Variants in SNX3 observed in about 807,000 individuals in gnomAD.
SNX3 encodes the protein sorting nexin-3.
In SNX3, 5 loss-of-function variants were observed where a neutral mutation model predicts 17.7. The ratio of observed to expected loss-of-function variants is 0.28; its 90% CI spans 0.15 to 0.59. SNX3 has a LOEUF of 0.59. Ranked by LOEUF, SNX3 falls within the 20% of genes least tolerant of loss-of-function variation. SNX3 has a pLI of 0.88. For synonymous variants in SNX3, 91 were observed against 76.5 expected (o/e 1.19, Z -0.99); for missense variants, 132 against 206.8 (o/e 0.64, Z 2.22).
chr6:108,259,780 G>A (rs1442302710), intron 1 of SNX3, among the ~76,000 whole-genome samples: 2 of 152,108 alleles, frequency 1.3e-5, no homozygotes, highest in Admixed American at 6.6e-5. Context: ...AAGTTAATGA[G>A]AATTTTTTCA....
Position 108,260,555 on chromosome 6 carries a change from G to A in SNX3, c.162+205C>T, listed in dbSNP as rs545334085. ...CCTCCTCTTCGAGCACCTTCTCCAA[G>A]TGCCAGCGCGCCGGGCTCGCTCTGC... On this transcript the variant is annotated intron_variant, in intron 1 of 3. Transcript: ENST00000230085. 7.0e-3 allele frequency among the ~76,000 whole-genome samples: 1,072 copies of A among 152,280 alleles called. 16 individuals carry two copies. Among genetic ancestry groups the A allele is most frequent in the South Asian group, 0.045 (216 of 4,820 alleles).
chr6:108,226,336 A>C (rs2114721960), intron 1 of SNX3, among the ~76,000 whole-genome samples: 1 of 152,308 alleles, frequency 6.6e-6, no homozygotes, highest in Admixed American at 6.5e-5. Flanking sequence ...GGACTCCCAA[A>C]GTGCTGGGAT....
chr6:108,258,450 T>C (rs1776093963), intron 1 of SNX3, among the ~76,000 whole-genome samples: 1 of 139,472 alleles, frequency 7.2e-6, no homozygotes, highest in Admixed American at 7.4e-5. Flanking sequence ...AGAGCGAGAC[T>C]CCGTCTCAAA....
rs754018575 is a variant in SNX3, at chr6:108,260,886, G to C, written c.36C>G (p.Ile12Met). 13 of 1,610,514 alleles carry C rather than the reference G, an allele frequency of 8.1e-6. No individual in the cohort carries two copies. The African/African-American group carries it at 1.5e-4, about 18-fold the overall frequency. The stretch of plus-strand genomic sequence containing the variant: ...CGTCATTCAGGTTCTGCGGCTTGGT[G>C]ATCAGCCGCCGGGTGTCAGCCACGG... Reference protein sequence around the residue: ...AETVADTRRLITKPQNLNDAY... With the variant: ...AETVADTRRLMTKPQNLNDAY... Residue 12 changes from isoleucine to methionine, a missense_variant, in exon 1 of 4, where the codon ATC becomes ATG. Physicochemically the swap from Ile to Met is conservative, Grantham distance 10. Around this residue, in one of 2 missense-constraint regions of SNX3, gnomAD observed 78 missense variants for 88.8 expected, o/e 0.88. Transcript: ENST00000230085.
rs540390566 is a variant in SNX3, at chr6:108,251,942, A to G, written c.162+8818T>C. ...CCAGGCATGGTGGTGCACGACCTAT[A>G]TATTCCCAGCTACTTGGGAGGCTGA... On this transcript the variant is annotated intron_variant, in intron 1 of 3. Transcript: ENST00000230085. Among the ~76,000 whole-genome samples, 6 of 152,036 alleles carry G rather than the reference A, an allele frequency of 3.9e-5. No individual in the cohort carries two copies. The East Asian group carries it at 9.7e-4, about 25-fold the overall frequency.
At chr6:108,223,889 A>G (rs1774893997) in intron 1 of SNX3, among the ~76,000 whole-genome samples, 1 of 152,134 alleles carries the variant, frequency 6.6e-6, no homozygotes, top group African/African-American at 2.4e-5. Context: ...GCCTGAGGAT[A>G]TTTACATAAA....
rs1309537562 is a variant in SNX3, at chr6:108,235,979, TG to T, written c.163-12935del. On this transcript the variant is annotated intron_variant, in intron 1 of 3. Transcript: ENST00000230085. ...CCTTAATTAGCTTCTGATTATATTC[TG>T]AGTAGTTGAAGTTCCTCAATAATAC... 4.5e-4 allele frequency among the ~76,000 whole-genome samples: 68 copies of T among 151,204 alleles called. 1 individual carries two copies. The highest frequency in any genetic ancestry group is 1.6e-3 in the African/African-American group (64 of 40,506).
rs1472006196 is a variant in SNX3, at chr6:108,261,008, G to T, written c.-87C>A. ...CGCCGCCGCTGCTGCCCGCCGTGGG[G>T]ACACGGGGCTCGCGCGCAGCGGTCG... On this transcript the variant is annotated 5_prime_UTR_variant, in exon 1 of 4. Transcript: ENST00000230085. 2 of 1,270,276 alleles carry T rather than the reference G, an allele frequency of 1.6e-6. No homozygotes were observed. The highest frequency in any genetic ancestry group is 1.0e-6 in the Non-Finnish European group (1 of 973,392). The allele number at this position is 1,270,276 out of a possible 1,614,324, so 78.7% of individuals were successfully genotyped here.
chr6:108,219,654 T>C (rs1774695259), intron 2 of SNX3, among the ~76,000 whole-genome samples: 1 of 152,218 alleles, frequency 6.6e-6, no homozygotes, highest in African/African-American at 2.4e-5. Flanking sequence ...ATTTGTAATA[T>C]AGTGAGATAT....
intron 1 of SNX3, among the ~76,000 whole-genome samples, chr6:108,238,583 A>G (rs2114741735): frequency 6.6e-6 from 1 of 152,268 alleles, no homozygotes; most frequent in South Asian, 2.1e-4. Context: ...TAGGCAACAC[A>G]GTGAAACCTC....
chr6:108,224,819 C>G (rs1172056086), intron 1 of SNX3, among the ~76,000 whole-genome samples: 2 of 152,162 alleles, frequency 1.3e-5, no homozygotes, highest in Non-Finnish European at 2.9e-5. Context: ...AGTTTAAGAA[C>G]TGAAAACATA....
At chr6:108,244,918 G>A (rs565327963) in intron 1 of SNX3, among the ~76,000 whole-genome samples, 1 of 152,176 alleles carries the variant, frequency 6.6e-6, no homozygotes, top group African/African-American at 2.4e-5. Context: ...GGGGTTACAG[G>A]CATGAGCCAC....
At chr6:108,219,838 GCATAACAGTGTTTCC>G (rs1774700470) in intron 2 of SNX3, among the ~76,000 whole-genome samples, 1 of 152,070 alleles carries the variant, frequency 6.6e-6, no homozygotes, top group African/African-American at 2.4e-5. Context: ...AATATACACT[GCATAACAGTGTTTCC>G]CATCAGAGAT....
chr6:108,247,257 CA>C (rs1259788248), intron 1 of SNX3, among the ~76,000 whole-genome samples: 2 of 152,058 alleles, frequency 1.3e-5, no homozygotes, highest in Admixed American at 1.3e-4. Context: ...CTTTCCTTTA[CA>C]AATTACCCAG....
chr6:108,228,965 G>A (rs1320974552), intron 1 of SNX3, among the ~76,000 whole-genome samples: 1 of 152,100 alleles, frequency 6.6e-6, no homozygotes, highest in South Asian at 2.1e-4. Context: ...TGTATGACAT[G>A]TAAAAAGTTT....
chr6:108,257,878 C>T lies in SNX3; in HGVS notation c.162+2882G>A, dbSNP rs554860073. 1.2e-4 allele frequency among the ~76,000 whole-genome samples: 19 copies of T among 152,046 alleles called. No homozygotes were observed. In the South Asian group the frequency reaches 2.7e-3, roughly 22 times the overall value. On this transcript the variant is annotated intron_variant, in intron 1 of 3. Transcript: ENST00000230085. ...ACTTGGGCGGCTGAGGCAGGAGAAT[C>T]GCTTGAACTCGGAAGGCAGAGGTTG... is the stretch of plus-strand genomic sequence containing the variant.
Position 108,261,038 on chromosome 6 carries a change from G to A in SNX3, c.-117C>T. 3 of 1,017,692 alleles carry A rather than the reference G, an allele frequency of 2.9e-6. No individual in the cohort carries two copies. Among genetic ancestry groups the A allele is most frequent in the East Asian group, 3.3e-5 (1 of 30,238 alleles). 63.0% of individuals were successfully genotyped at this position (1,017,692 alleles called of 1,614,324 possible). A position where few individuals can be genotyped will look rare whatever the true frequency, so the allele number is the denominator to read the frequency against. On this transcript the variant is annotated 5_prime_UTR_variant, in exon 1 of 4. Coordinates refer to ENST00000230085, the MANE Select transcript of SNX3 (RefSeq NM_003795.6). ...GGGGCTCGCGCGCAGCGGTCGCGAA[G>A]AGAACGAGCACGTAGAGCGGGCGTT...
chr6:108,244,768 T>C (rs1775633476), intron 1 of SNX3, among the ~76,000 whole-genome samples: 1 of 149,710 alleles, frequency 6.7e-6, no homozygotes, highest in Admixed American at 6.8e-5. Context: ...GCTTTCCCAG[T>C]AGCTGGGACT....
At chr6:108,253,762 A>G (rs914583256) in intron 1 of SNX3, among the ~76,000 whole-genome samples, 4 of 152,020 alleles carry the variant, frequency 2.6e-5, no homozygotes, top group Non-Finnish European at 5.9e-5. Flanking sequence ...TCTCAGTGAG[A>G]CAGATAGCAT....
Sources: allele counts gnomAD v4.1 joint callset (sites outside exome capture counted in the v4.1 genomes callset), GRCh38; gene constraint gnomAD v4.1.1; regional missense constraint gnomAD v4.1.1; transcripts MANE v1.5; gene names NCBI Gene and HGNC (gene_info 2026-07-23, HGNC 2026-07-21).